DPYD: variants seen among roughly 807,000 people sequenced by gnomAD.
DPYD encodes the protein dihydropyrimidine dehydrogenase, also known as dihydropyrimidine dehydrogenase [NADP(+)].
A neutral mutation model predicts 116.2 loss-of-function variants in DPYD; 109 were observed. That is an observed-to-expected ratio of 0.94 (90% CI 0.80 to 1.10). The LOEUF is 1.10. Among genes scored for constraint, DPYD ranks in the 50% least tolerant of loss-of-function variants. The probability of loss-of-function intolerance (pLI) is 0.00; values close to 1 mark genes in which losing one functional copy is unlikely to be tolerated. For missense variants in DPYD, 1,302 were observed against 1,254.5 expected (o/e 1.04, Z -0.57); for synonymous variants, 440 against 432.0 (o/e 1.02, Z -0.23).
intron 19 of DPYD, among the ~76,000 whole-genome samples, chr1:97,218,664 C>A (rs1189030445): frequency 6.6e-6 from 1 of 151,516 alleles, no homozygotes; most frequent in Admixed American, 6.6e-5. Flanking sequence ...CAAATCTACT[C>A]CATAAGCAAT....
chr1:97,484,419 A>G (rs1221005584), intron 13 of DPYD, among the ~76,000 whole-genome samples: 1 of 152,106 alleles, frequency 6.6e-6, no homozygotes, highest in Non-Finnish European at 1.5e-5. Flanking sequence ...TGGCTTGCTT[A>G]TTTTCACTCT....
At chr1:97,149,464 G>A (rs759333283) in intron 20 of DPYD, among the ~76,000 whole-genome samples, 2 of 152,104 alleles carry the variant, frequency 1.3e-5, no homozygotes, top group Non-Finnish European at 2.9e-5. Context: ...TGTTGGCCAG[G>A]CTGGCCTCAA....
In DPYD at chr1:97,523,193, T is replaced by C. The variant is rs548523604; in HGVS notation, c.1525-7252A>G. 3.9e-5 allele frequency among the ~76,000 whole-genome samples: 6 copies of C among 152,190 alleles called. No individual in the cohort carries two copies. In the East Asian group the frequency reaches 1.2e-3, roughly 29 times the overall value. ...AGAACTGAGATGAGAATGGTAAAAATGGAGATTAAGGAAAAGCTAAATGTC... is the reference window on the plus strand; with the variant it reads ...AGAACTGAGATGAGAATGGTAAAAACGGAGATTAAGGAAAAGCTAAATGTC... On this transcript the variant is annotated intron_variant, in intron 12 of 22. Transcript: ENST00000370192.
intron 11 of DPYD, among the ~76,000 whole-genome samples, chr1:97,553,264 T>A (rs1346279616): frequency 1.3e-5 from 2 of 152,052 alleles, no homozygotes; most frequent in African/African-American, 2.4e-5. Flanking sequence ...TCAACAATTC[T>A]TTTAAAATAT....
At chr1:97,206,085 G>C (rs1441158146) in intron 19 of DPYD, among the ~76,000 whole-genome samples, 2 of 151,642 alleles carry the variant, frequency 1.3e-5, no homozygotes. Context: ...AAACAGAAAA[G>C]ATGCATAGGG....
chr1:97,173,374 G>GCACACATA (rs1415656687), intron 20 of DPYD, among the ~76,000 whole-genome samples: 1 of 112,538 alleles, frequency 8.9e-6, no homozygotes, highest in Non-Finnish European at 1.9e-5. Flanking sequence ...ATACATATAT[G>GCACACATA]TGTGTATATA....
chr1:97,328,113 A>C (rs1402294081), intron 16 of DPYD, among the ~76,000 whole-genome samples: 2 of 152,084 alleles, frequency 1.3e-5, no homozygotes, highest in African/African-American at 4.8e-5. Context: ...CTGTCCTCTG[A>C]GAGAGAGTAG....
intron 18 of DPYD, among the ~76,000 whole-genome samples, chr1:97,289,300 C>T (rs1223256925): frequency 6.6e-6 from 1 of 152,012 alleles, no homozygotes; most frequent in East Asian, 1.9e-4. Flanking sequence ...CTATTCCAAT[C>T]AATAGAAAAA....
intron 18 of DPYD, among the ~76,000 whole-genome samples, chr1:97,291,165 A>G (rs1282898183): frequency 1.3e-5 from 2 of 151,940 alleles, no homozygotes; most frequent in East Asian, 3.9e-4. Flanking sequence ...TAGAATGGCA[A>G]TCATTAAAAA....
intron 20 of DPYD, among the ~76,000 whole-genome samples, chr1:97,148,107 G>A (rs185252844): frequency 3.3e-5 from 5 of 152,076 alleles, no homozygotes; most frequent in Non-Finnish European, 7.4e-5. Context: ...AATGTCCTGG[G>A]ATGAAATGTC....
At position 97,764,186 on chromosome 1, in the gene DPYD, A is replaced by C. The variant is rs541895680; in HGVS notation, c.234-23707T>G. Among the ~76,000 whole-genome samples the C allele has an allele frequency of 6.6e-5, 10 of 152,164 alleles. No homozygotes were observed. In the South Asian group the frequency reaches 2.1e-3, roughly 32 times the overall value. ...AAACAAAAAGTGAAAAAAGGAGGGA[A>C]GATTACATAAAGTAAAGAGAGAAAA... On this transcript the variant is annotated intron_variant, in intron 3 of 22. Coordinates refer to ENST00000370192, the MANE Select transcript of DPYD (RefSeq NM_000110.4).
intron 8 of DPYD, among the ~76,000 whole-genome samples, chr1:97,605,992 T>C (rs931653451): frequency 3.7e-4 from 56 of 152,064 alleles, no homozygotes; most frequent in African/African-American, 1.3e-3. Flanking sequence ...TCCTTGAGTA[T>C]TGGTGATTAA....
intron 19 of DPYD, among the ~76,000 whole-genome samples, chr1:97,201,746 T>C (rs1217125489): frequency 1.3e-5 from 2 of 152,114 alleles, no homozygotes; most frequent in Non-Finnish European, 2.9e-5. Context: ...TTAGCAGTAA[T>C]GTAACGGACT....
Position 97,920,976 on chromosome 1 carries a change from A to G in DPYD, c.-54T>C, listed in dbSNP as rs1571588866. On this transcript the variant is annotated 5_prime_UTR_variant, in exon 1 of 23. Coordinates refer to ENST00000370192, the MANE Select transcript of DPYD (RefSeq NM_000110.4). ...GTGACAAACCCTCCTTGCGTCCTCA[A>G]GCTCCAGCCAGAGAGCCAAGTGACA... 4 of 1,553,944 alleles carry G rather than the reference A, an allele frequency of 2.6e-6. No homozygotes were observed. The East Asian group carries it at 7.3e-5, about 28-fold the overall frequency.
intron 4 of DPYD, among the ~76,000 whole-genome samples, chr1:97,736,681 T>A (rs1014679061): frequency 6.6e-6 from 1 of 152,060 alleles, no homozygotes; most frequent in Non-Finnish European, 1.5e-5. Flanking sequence ...AACCAACCCA[T>A]AATACATAGG....
chr1:97,209,268 T>C (rs1037533486), intron 19 of DPYD, among the ~76,000 whole-genome samples: 9 of 152,158 alleles, frequency 5.9e-5, no homozygotes, highest in African/African-American at 2.2e-4. Flanking sequence ...TAAGTTGGAT[T>C]TTATGTGTTT....
chr1:97,531,610 G>C (rs1375407128), intron 12 of DPYD, among the ~76,000 whole-genome samples: 3 of 151,822 alleles, frequency 2.0e-5, no homozygotes, highest in Non-Finnish European at 4.4e-5. Flanking sequence ...TTGTTATTTG[G>C]GTATTTTGTG....
At chr1:97,853,247 T>C (rs548436857) in intron 2 of DPYD, among the ~76,000 whole-genome samples, 1 of 152,350 alleles carries the variant, frequency 6.6e-6, no homozygotes, top group Admixed American at 6.5e-5. Context: ...TAACGCTCAA[T>C]ATCAATGTAC....
At chr1:97,463,542 G>A (rs1677138322) in intron 13 of DPYD, among the ~76,000 whole-genome samples, 1 of 152,200 alleles carries the variant, frequency 6.6e-6, no homozygotes, top group African/African-American at 2.4e-5. Flanking sequence ...ACCTAAAAAT[G>A]TGGAAGTGAC....
Sources: gnomAD v4.1 joint callset for allele counts (sites outside exome capture counted in the v4.1 genomes callset) on GRCh38, gnomAD v4.1.1 for gene constraint, MANE v1.5 for transcripts, NCBI Gene and HGNC (gene_info 2026-07-23, HGNC 2026-07-21) for gene names.